Variants in SEL1L3 observed in about 807,000 individuals in gnomAD.
SEL1L3 encodes the protein SEL1L family member 3.
A neutral mutation model predicts 142.8 loss-of-function variants in SEL1L3; 76 were observed. The ratio of observed to expected loss-of-function variants is 0.53; its 90% CI spans 0.44 to 0.64. The LOEUF (loss-of-function observed/expected upper bound fraction) is 0.64, where lower values mean the gene tolerates loss of function less well. Ranked by LOEUF, SEL1L3 falls within the 30% of genes least tolerant of loss-of-function variation. SEL1L3 has a pLI of 0.00. For missense variants in SEL1L3, 1,262 were observed against 1,381.7 expected (o/e 0.91, Z 1.37); for synonymous variants, 504 against 519.6 (o/e 0.97, Z 0.41).
At chr4:25,816,820 C>T (rs1714421383) in intron 9 of SEL1L3, among the ~76,000 whole-genome samples, 1 of 152,172 alleles carries the variant, frequency 6.6e-6, no homozygotes, top group African/African-American at 2.4e-5. Flanking sequence ...GTTACCACCT[C>T]TCAGGGTCTG....
upstream of SEL1L3, chr4:25,863,113 GC>G: frequency 6.5e-6 from 1 of 152,964 alleles, no homozygotes; most frequent in Non-Finnish European, 1.4e-5. Context: ...GCTCCCTCTG[GC>G]CCCCGGGCTT....
Position 25,833,143 on chromosome 4 carries a change from C to T in SEL1L3, c.983-33G>A, listed in dbSNP as rs1005861301. 163 of 1,179,076 alleles carry T rather than the reference C, an allele frequency of 1.4e-4. 1 individual carries two copies. In the Admixed American group the frequency reaches 2.8e-3, roughly 20 times the overall value. 73.0% of individuals were successfully genotyped at this position (1,179,076 alleles called of 1,614,324 possible). On this transcript the variant is annotated intron_variant, in intron 4 of 23. Coordinates refer to ENST00000399878, the MANE Select transcript of SEL1L3 (RefSeq NM_015187.5). ...GAAAATTCGAGCACATGAAAATGAG[C>T]AAAAAATATCTACGAGTGAATGAAG...
intron 20 of SEL1L3, among the ~76,000 whole-genome samples, chr4:25,761,476 T>A (rs996599390): frequency 3.3e-5 from 5 of 152,084 alleles, no homozygotes; most frequent in African/African-American, 1.2e-4. Context: ...AATTTTAAAG[T>A]CTCTAATCAA....
In SEL1L3 at chr4:25,786,241, G is replaced by A. The variant is rs189239358; in HGVS notation, c.2218-1951C>T. On this transcript the variant is annotated intron_variant, in intron 13 of 23. Coordinates refer to ENST00000399878, the MANE Select transcript of SEL1L3 (RefSeq NM_015187.5). ...AATGCCCCCACACAGTCAAATGCAC[G>A]TACTGTTCTTTGCATATGGAAAGCC... 7.2e-5 allele frequency among the ~76,000 whole-genome samples: 11 copies of A among 152,210 alleles called. No individual in the cohort carries two copies. The East Asian group carries it at 1.4e-3, about 19-fold the overall frequency.
At chr4:25,765,693 C>A (rs1718676943) in intron 19 of SEL1L3, among the ~76,000 whole-genome samples, 1 of 152,058 alleles carries the variant, frequency 6.6e-6, no homozygotes, top group South Asian at 2.1e-4. Flanking sequence ...GGCTGGAATA[C>A]AGCGGTGAGA....
At position 25,788,616 on chromosome 4, in the gene SEL1L3, G is replaced by GCA. The variant is rs1310743232; in HGVS notation, c.2077-253_2077-252insTG. ...TGTGTGTGTGTGTGTGTGTGTGTGT[G>GCA]TGTGTATCTACTGTACCCAGGACCA... On this transcript the variant is annotated intron_variant, in intron 12 of 23. Transcript: ENST00000399878. The surrounding 1 kb of genome is among the most constrained non-coding windows in gnomAD (Gnocchi z 5.3). Among the ~76,000 whole-genome samples the GCA allele has an allele frequency of 1.8e-4, 24 of 129,862 alleles. No individual in the cohort carries two copies. The highest frequency in any genetic ancestry group is 3.3e-4 in the Non-Finnish European group (20 of 60,476). The allele number at this position is 129,862 out of a possible 152,430, so 85.2% of individuals were successfully genotyped here. A position where few individuals can be genotyped will look rare whatever the true frequency, so the allele number is the denominator to read the frequency against.
intron 19 of SEL1L3, among the ~76,000 whole-genome samples, chr4:25,766,147 T>C (rs1718709889): frequency 6.6e-6 from 1 of 152,088 alleles, no homozygotes; most frequent in Non-Finnish European, 1.5e-5. Flanking sequence ...TGTTTAAGAG[T>C]ATATGTATCG....
Position 25,772,519 on chromosome 4 carries a change from A to G in SEL1L3, c.2669+3758T>C, listed in dbSNP as rs762007399. 2.6e-4 allele frequency among the ~76,000 whole-genome samples: 40 copies of G among 152,164 alleles called. 1 individual carries two copies. The highest frequency in any genetic ancestry group is 5.1e-4 in the Non-Finnish European group (35 of 68,038). ...CGACTCTTTCTATTTGCCCTATGAGATACATAAAAAATGCTCATGGCCGCA... is the reference window on the plus strand; with the variant it reads ...CGACTCTTTCTATTTGCCCTATGAGGTACATAAAAAATGCTCATGGCCGCA... On this transcript the variant is annotated intron_variant, in intron 17 of 23. Coordinates refer to ENST00000399878, the MANE Select transcript of SEL1L3 (RefSeq NM_015187.5).
intron 1 of SEL1L3, among the ~76,000 whole-genome samples, chr4:25,858,909 T>A (rs1421129839): frequency 6.6e-6 from 1 of 152,182 alleles, no homozygotes; most frequent in Non-Finnish European, 1.5e-5. Flanking sequence ...TCCTCTTACT[T>A]CTTTGTCCTC....
intron 11 of SEL1L3, among the ~76,000 whole-genome samples, chr4:25,800,459 G>A (rs1352909511): frequency 4.6e-5 from 7 of 151,902 alleles, no homozygotes; most frequent in Admixed American, 1.3e-4. Flanking sequence ...GTTTTCTTTC[G>A]CAATCATAAC....
intron 9 of SEL1L3, among the ~76,000 whole-genome samples, chr4:25,817,864 C>A (rs1714495978): frequency 6.6e-6 from 1 of 152,190 alleles, no homozygotes; most frequent in Non-Finnish European, 1.5e-5. Flanking sequence ...GGGGCTGGCT[C>A]TGGCTGCGGC....
At chr4:25,736,237 G>GTGTGTGTGTGTGTGTGTGTC in the SEL1L3 span, among the ~76,000 whole-genome samples, 1 of 150,482 alleles carries the variant, frequency 6.6e-6, no homozygotes, top group Non-Finnish European at 1.5e-5. Context: ...GTGTGTGTGT[G>GTGTGTGTGTGTGTGTGTGTC]TGTGTGATGG....
chr4:25,721,835 TGCTTTC>T, the SEL1L3 span, among the ~76,000 whole-genome samples: 1 of 152,190 alleles, frequency 6.6e-6, no homozygotes, highest in Admixed American at 6.5e-5. Flanking sequence ...CCATGTGACT[TGCTTTC>T]GCCAGTGGGA....
At chr4:25,837,390 T>TA (rs933622661) in intron 2 of SEL1L3, among the ~76,000 whole-genome samples, 96 of 136,896 alleles carry the variant, frequency 7.0e-4, no homozygotes, top group East Asian at 4.2e-4. Flanking sequence ...TGACTCCAAT[T>TA]AAAAAAAAAA....
chr4:25,788,392 T>C lies in SEL1L3; in HGVS notation c.2077-28A>G, dbSNP rs1310182265. 1.9e-6 allele frequency: 3 copies of C among 1,611,694 alleles called. No homozygotes were observed. Among genetic ancestry groups the C allele is most frequent in the South Asian group, 2.2e-5 (2 of 90,888 alleles). On this transcript the variant is annotated intron_variant, in intron 12 of 23. Transcript: ENST00000399878. The surrounding 1 kb of genome is among the most constrained non-coding windows in gnomAD (Gnocchi z 5.3). ...TAAAGATAATAGCAATTTAGAACAA[T>C]GACTTTTCCTGTATAATGCTTAACA...
intron 6 of SEL1L3, among the ~76,000 whole-genome samples, chr4:25,828,255 A>C (rs1230728562): frequency 6.6e-6 from 1 of 152,176 alleles, no homozygotes; most frequent in Non-Finnish European, 1.5e-5. Flanking sequence ...ATATGCCCAG[A>C]GCCTAAAAGA....
intron 1 of SEL1L3, among the ~76,000 whole-genome samples, chr4:25,853,107 G>A (rs1717013134): frequency 6.6e-6 from 1 of 152,140 alleles, no homozygotes. Context: ...CAGGTGTTGT[G>A]GCTCATGCTG....
chr4:25,779,147 G>C lies in SEL1L3; in HGVS notation c.2514C>G (p.Thr838=). The change falls in exon 16 of 24, where the codon ACC becomes ACG. Residue 838 remains threonine, a synonymous_variant. Transcript: ENST00000399878. ...TGATATAGTAGAGAGAACACCACAAGGTCCCTTCCATGTGTCCACCTTGCG... is the reference window on the plus strand; with the variant it reads ...TGATATAGTAGAGAGAACACCACAACGTCCCTTCCATGTGTCCACCTTGCG... ...KAAQGGHMEG[T]LWCSLYYITG... 6.2e-7 allele frequency: 1 copy of C among 1,613,584 alleles called. No individual in the cohort carries two copies. Among genetic ancestry groups the C allele is most frequent in the African/African-American group, 1.3e-5 (1 of 75,008 alleles).
intron 8 of SEL1L3, 115 bp downstream of exon 8, chr4:25,819,693 T>G: frequency 2.1e-6 from 2 of 936,250 alleles, no homozygotes; most frequent in South Asian, 3.8e-5. Flanking sequence ...TTGTCCCATC[T>G]GGTATCTGAG....
Sources: gnomAD v4.1 joint callset for allele counts (sites outside exome capture counted in the v4.1 genomes callset) on GRCh38, gnomAD v4.1.1 for gene constraint, Gnocchi (gnomAD v3.1) non-coding constraint, MANE v1.5 for transcripts, NCBI Gene and HGNC (gene_info 2026-07-23, HGNC 2026-07-21) for gene names.